Variants in FANCB observed in about 807,000 individuals in gnomAD.
FANCB encodes the protein Fanconi anemia group B protein.
Under a neutral mutation model 38.9 loss-of-function variants are expected in FANCB, and 5 were observed. The observed-to-expected ratio is 0.13, with a 90% confidence interval of 0.07 to 0.27. The LOEUF is 0.27. Ranked by LOEUF, FANCB falls within the 10% of genes least tolerant of loss-of-function variation. FANCB has a pLI of 1.00. For missense variants in FANCB, 573 were observed against 602.7 expected (o/e 0.95, Z 0.52); for synonymous variants, 236 against 215.4 (o/e 1.10, Z -0.84).
chrX:14,726,541 G>T, the FANCB span, among the ~76,000 whole-genome samples: 1 of 112,413 alleles, frequency 8.9e-6, no homozygotes, highest in African/African-American at 3.2e-5. Flanking sequence ...AGTGTTGAAT[G>T]AATGAGGAAA....
chrX:14,695,553 T>C, the FANCB span, among the ~76,000 whole-genome samples: 1 of 112,096 alleles, frequency 8.9e-6, no homozygotes, highest in African/African-American at 3.2e-5. Context: ...AGTTCATAGA[T>C]GGAGATACTG....
downstream of FANCB, chrX:14,835,906 G>A (rs1434260621): frequency 8.9e-6 from 1 of 112,248 alleles, no homozygotes; most frequent in Non-Finnish European, 1.9e-5. Flanking sequence ...ATATGATCTA[G>A]CAATCTCACT....
the FANCB span, among the ~76,000 whole-genome samples, chrX:14,734,053 C>T: frequency 9.0e-6 from 1 of 111,685 alleles, no homozygotes. Flanking sequence ...CAATAATTTG[C>T]CTGAAGACCT....
the FANCB span, among the ~76,000 whole-genome samples, chrX:14,821,335 A>C: frequency 8.9e-6 from 1 of 111,899 alleles, no homozygotes; most frequent in East Asian, 2.8e-4. Flanking sequence ...ATGTGTCTTA[A>C]TTACAGAAAA....
chrX:14,730,549 T>TTTCAC, the FANCB span: 4 of 612,630 alleles, frequency 6.5e-6, no homozygotes, highest in Non-Finnish European at 9.7e-6. Flanking sequence ...CACAGTGAAA[T>TTTCAC]TGTCTTTATA....
intron 4 of FANCB, among the ~76,000 whole-genome samples, chrX:14,858,919 GTTAAT>G (rs768306887): frequency 1.1e-4 from 12 of 111,307 alleles, no homozygotes; most frequent in Non-Finnish European, 2.3e-4. Context: ...CAAAAATAAA[GTTAAT>G]TTATAGTACT....
At chrX:14,762,127 T>C in the FANCB span, among the ~76,000 whole-genome samples, 1 of 111,043 alleles carries the variant, frequency 9.0e-6, no homozygotes, top group African/African-American at 3.3e-5. Context: ...GGGCACCTTG[T>C]TGCTGCATCC....
At chrX:14,707,785 T>C in the FANCB span, among the ~76,000 whole-genome samples, 3 of 106,044 alleles carry the variant, frequency 2.8e-5, no homozygotes, top group African/African-American at 7.3e-5. Context: ...CACGCGCGCG[T>C]GTTGCATGCA....
the FANCB span, among the ~76,000 whole-genome samples, chrX:14,735,838 G>C: frequency 9.0e-6 from 1 of 111,506 alleles, no homozygotes; most frequent in Admixed American, 9.5e-5. Flanking sequence ...GCCCACAGCC[G>C]CCCCTTCTCC....
the FANCB span, among the ~76,000 whole-genome samples, chrX:14,829,854 C>T: frequency 8.9e-6 from 1 of 112,441 alleles, no homozygotes; most frequent in Non-Finnish European, 1.9e-5. Context: ...TTAGTATGTT[C>T]ACTGAAGTAG....
chrX:14,763,816 G>A, the FANCB span, among the ~76,000 whole-genome samples: 26 of 111,348 alleles, frequency 2.3e-4, no homozygotes, highest in East Asian at 7.0e-3. Flanking sequence ...AAAGTTCCCC[G>A]TTGTTCTCCT....
chrX:14,736,916 G>A, the FANCB span, among the ~76,000 whole-genome samples: 1 of 111,343 alleles, frequency 9.0e-6, no homozygotes, highest in African/African-American at 3.3e-5. Flanking sequence ...CAGCACTTTG[G>A]GAAGCCAAGG....
the FANCB span, among the ~76,000 whole-genome samples, chrX:14,821,393 G>C: frequency 9.0e-6 from 1 of 111,437 alleles, no homozygotes; most frequent in East Asian, 2.8e-4. Context: ...CCCATGCTGA[G>C]GGTGTAAGTC....
the FANCB span, among the ~76,000 whole-genome samples, chrX:14,808,693 A>G: frequency 8.9e-6 from 1 of 112,227 alleles, no homozygotes; most frequent in Non-Finnish European, 1.9e-5. Context: ...AATTCAACAT[A>G]GTACTGGAAA....
At chrX:14,690,745 G>A in the FANCB span, 31 of 1,202,612 alleles carry the variant, frequency 2.6e-5, no homozygotes, top group East Asian at 1.2e-4. Flanking sequence ...TCTGGATGGC[G>A]GTGTGCCTTC....
chrX:14,715,234 C>A, the FANCB span, among the ~76,000 whole-genome samples: 1 of 112,009 alleles, frequency 8.9e-6, no homozygotes, highest in African/African-American at 3.2e-5. Flanking sequence ...GACGGTGTTT[C>A]AAAAATAGAA....
the FANCB span, among the ~76,000 whole-genome samples, chrX:14,758,317 T>C: frequency 5.4e-5 from 6 of 111,960 alleles, no homozygotes; most frequent in South Asian, 1.9e-3. Flanking sequence ...ACATATTCTT[T>C]TGGGAGCTCT....
At chrX:14,710,626 G>A in the FANCB span, among the ~76,000 whole-genome samples, 5 of 111,788 alleles carry the variant, frequency 4.5e-5, no homozygotes, top group Non-Finnish European at 9.4e-5. Context: ...AAAGATAATT[G>A]AAAGAGGAAA....
At chrX:14,794,783 TG>T in the FANCB span, among the ~76,000 whole-genome samples, 1 of 111,240 alleles carries the variant, frequency 9.0e-6, no homozygotes, top group African/African-American at 3.3e-5. Flanking sequence ...GTCTGTAGAG[TG>T]GGGAGAGAAT....
Sources: gnomAD v4.1 joint callset for allele counts (sites outside exome capture counted in the v4.1 genomes callset) on GRCh38, gnomAD v4.1.1 for gene constraint, MANE v1.5 for transcripts, NCBI Gene and HGNC (gene_info 2026-07-23, HGNC 2026-07-21) for gene names.